SEMA3D: variants seen among roughly 807,000 people sequenced by gnomAD.
The protein encoded by SEMA3D is semaphorin-3D.
SEMA3D carries 84 observed loss-of-function variants against 100.1 expected under a neutral mutation model. That is an observed-to-expected ratio of 0.84 (90% CI 0.70 to 1.01). The LOEUF is 1.01. Among genes scored for constraint, SEMA3D ranks in the 50% least tolerant of loss-of-function variants. The probability of loss-of-function intolerance (pLI) is 0.00; values close to 1 mark genes in which losing one functional copy is unlikely to be tolerated. For synonymous variants in SEMA3D, 312 were observed against 320.7 expected, an observed-to-expected ratio of 0.97 and a Z score of 0.29; for missense variants, 875 against 934.1, an observed-to-expected ratio of 0.94 and a Z score of 0.82.
At chr7:85,022,889 T>C (rs1291408706) in intron 12 of SEMA3D, among the ~76,000 whole-genome samples, 2 of 151,928 alleles carry the variant, frequency 1.3e-5, no homozygotes, top group African/African-American at 4.8e-5. Context: ...TTCTGAAGAT[T>C]GTTTCTAATG....
chr7:85,110,047 C>T (rs764353458), intron 3 of SEMA3D, among the ~76,000 whole-genome samples: 1 of 151,970 alleles, frequency 6.6e-6, no homozygotes, highest in Non-Finnish European at 1.5e-5. Context: ...CCAAGTGCCT[C>T]AAGGCTGAGC....
chr7:85,157,868 T>A (rs1272446312), intron 1 of SEMA3D, among the ~76,000 whole-genome samples: 7 of 152,134 alleles, frequency 4.6e-5, no homozygotes, highest in Non-Finnish European at 4.4e-5. Context: ...TTGTGAAGAT[T>A]TCATGGACAT....
At chr7:85,171,618 G>T (rs192945359) in intron 1 of SEMA3D, among the ~76,000 whole-genome samples, 39 of 151,898 alleles carry the variant, frequency 2.6e-4, no homozygotes, top group African/African-American at 8.7e-4. Flanking sequence ...CAGGTCCCTT[G>T]AATAACACCT....
chr7:85,126,756 A>C (rs966352977), intron 2 of SEMA3D, among the ~76,000 whole-genome samples: 3 of 152,032 alleles, frequency 2.0e-5, no homozygotes, highest in Non-Finnish European at 2.9e-5. Flanking sequence ...ATAGAAAAAA[A>C]CTCGAAAGCC....
At chr7:85,052,754 C>T (rs1467052439) in intron 9 of SEMA3D, among the ~76,000 whole-genome samples, 1 of 151,914 alleles carries the variant, frequency 6.6e-6, no homozygotes, top group East Asian at 1.9e-4. Flanking sequence ...TGATTATCTA[C>T]ACTAATTGTC....
At chr7:85,157,611 A>G (rs1790635465) in intron 1 of SEMA3D, 1 of 943,064 alleles carries the variant, frequency 1.1e-6, no homozygotes, top group Non-Finnish European at 1.3e-6. Flanking sequence ...TGCAAGGCTT[A>G]TAAGTAAATA....
At chr7:85,012,229 C>A in intron 17 of SEMA3D, among the ~76,000 whole-genome samples, 1 of 151,694 alleles carries the variant, frequency 6.6e-6, no homozygotes, top group East Asian at 1.9e-4. Context: ...ATGACACTTC[C>A]CAAAAGATTC....
chr7:85,106,438 A>T (rs1788925617), intron 3 of SEMA3D, among the ~76,000 whole-genome samples: 1 of 152,136 alleles, frequency 6.6e-6, no homozygotes, highest in Non-Finnish European at 1.5e-5. Context: ...TAATTCCTCA[A>T]ACTAAGATCA....
intron 6 of SEMA3D, among the ~76,000 whole-genome samples, chr7:85,071,365 G>A (rs1225610728): frequency 6.6e-6 from 1 of 152,160 alleles, no homozygotes; most frequent in Non-Finnish European, 1.5e-5. Context: ...AGACAAGTTG[G>A]TTAGAAAGGA....
At chr7:85,227,467 A>G in the SEMA3D span, among the ~76,000 whole-genome samples, 3 of 151,928 alleles carry the variant, frequency 2.0e-5, no homozygotes, top group African/African-American at 7.3e-5. Flanking sequence ...ACCATCTATG[A>G]ACCAGGAAAC....
chr7:85,204,895 A>G, the SEMA3D span, among the ~76,000 whole-genome samples: 18 of 152,260 alleles, frequency 1.2e-4, no homozygotes, highest in African/African-American at 4.3e-4. Context: ...ACTCAGATAT[A>G]TTTCAAATAT....
chr7:85,202,483 A>T, the SEMA3D span, among the ~76,000 whole-genome samples: 2 of 152,108 alleles, frequency 1.3e-5, no homozygotes, highest in East Asian at 3.9e-4. Context: ...GTTGGTTCCA[A>T]GTCTTTGCTA....
At chr7:85,005,593 C>G (rs1244160076) in intron 18 of SEMA3D, among the ~76,000 whole-genome samples, 4 of 152,004 alleles carry the variant, frequency 2.6e-5, no homozygotes, top group Non-Finnish European at 5.9e-5. Flanking sequence ...AGAGCTATAT[C>G]TTTAAATTAA....
intron 9 of SEMA3D, among the ~76,000 whole-genome samples, chr7:85,043,923 G>A (rs983957892): frequency 3.3e-5 from 5 of 151,938 alleles, no homozygotes; most frequent in Non-Finnish European, 7.4e-5. Context: ...TATCAGAAGC[G>A]TGAAAACAGA....
intron 9 of SEMA3D, among the ~76,000 whole-genome samples, chr7:85,051,670 T>C (rs1791169895): frequency 6.6e-6 from 1 of 151,998 alleles, no homozygotes; most frequent in Non-Finnish European, 1.5e-5. Context: ...TCAGGTTATA[T>C]TTTCAACTGG....
At chr7:85,124,452 G>A (rs1356631639) in intron 2 of SEMA3D, among the ~76,000 whole-genome samples, 1 of 151,522 alleles carries the variant, frequency 6.6e-6, no homozygotes, top group African/African-American at 2.4e-5. Context: ...ATATCTAATC[G>A]CTGACCATTT....
At chr7:85,016,146 C>T (rs1053393321) in intron 15 of SEMA3D, among the ~76,000 whole-genome samples, 6 of 151,374 alleles carry the variant, frequency 4.0e-5, no homozygotes, top group African/African-American at 1.5e-4. Flanking sequence ...TACTGAAATT[C>T]TCTATACTGT....
At position 84,996,067 on chromosome 7, in the gene SEMA3D, A is replaced by G. The variant is rs1202291196; in HGVS notation, c.*3373T>C. 6.6e-6 allele frequency: 1 copy of G among 151,888 alleles called. No individual in the cohort carries two copies. The highest frequency in any genetic ancestry group is 1.5e-5 in the Non-Finnish European group (1 of 67,832). 9.4% of individuals were successfully genotyped at this position (151,888 alleles called of 1,614,324 possible). A position where few individuals can be genotyped will look rare whatever the true frequency, so the allele number is the denominator to read the frequency against. ...TTTCTAAGAAAAATGTGACATTCTA[A>G]AGGGAGGCTATTTCAGTTTTGATTT... is the stretch of plus-strand genomic sequence containing the variant. On this transcript the variant is annotated 3_prime_UTR_variant, in exon 19 of 19. Transcript: ENST00000284136.
the SEMA3D span, among the ~76,000 whole-genome samples, chr7:85,240,740 T>C: frequency 1.6e-4 from 25 of 152,296 alleles, 1 homozygote; most frequent in South Asian, 3.9e-3. Context: ...TTTCAAGGAA[T>C]TGATTCATTT....
Sources: allele counts gnomAD v4.1 joint callset (sites outside exome capture counted in the v4.1 genomes callset), GRCh38; gene constraint gnomAD v4.1.1; transcripts MANE v1.5; gene names NCBI Gene and HGNC (gene_info 2026-07-23, HGNC 2026-07-21).